SNTG2: variants seen among roughly 807,000 people sequenced by gnomAD.
SNTG2 encodes the protein syntrophin gamma 2.
In SNTG2, 74 loss-of-function variants were observed where a neutral mutation model predicts 70.9. That is an observed-to-expected ratio of 1.04 (90% CI 0.86 to 1.27). The LOEUF is 1.27. Among genes scored for constraint, SNTG2 ranks in the 50% most tolerant of loss-of-function variants. The pLI, the probability that SNTG2 is intolerant of heterozygous loss-of-function variation, is 0.00. For synonymous variants in SNTG2, 278 were observed against 273.8 expected (o/e 1.02, Z -0.15); for missense variants, 717 against 690.7 (o/e 1.04, Z -0.43).
At chr2:1,333,130 A>T (rs1455704030) in intron 16 of SNTG2, among the ~76,000 whole-genome samples, 1 of 152,254 alleles carries the variant, frequency 6.6e-6, no homozygotes, top group Non-Finnish European at 1.5e-5. Context: ...CAATGTACAC[A>T]AATGAGTAGC....
chr2:1,287,731 C>T (rs374041525), intron 14 of SNTG2, among the ~76,000 whole-genome samples: 2 of 152,354 alleles, frequency 1.3e-5, no homozygotes, highest in East Asian at 3.9e-4. Context: ...GCGCTGACAG[C>T]GTGACCTGTT....
At chr2:1,312,839 G>C (rs963963876) in intron 15 of SNTG2, among the ~76,000 whole-genome samples, 2 of 152,160 alleles carry the variant, frequency 1.3e-5, no homozygotes, top group Non-Finnish European at 2.9e-5. Context: ...TTGATGGAGA[G>C]GAACAAAAAG....
At chr2:1,098,663 C>A (rs148962904) in intron 4 of SNTG2, among the ~76,000 whole-genome samples, 37 of 152,232 alleles carry the variant, frequency 2.4e-4, no homozygotes, top group African/African-American at 8.2e-4. Flanking sequence ...GGTTATCCCC[C>A]CTCTAAAGAT....
In SNTG2 at chr2:1,124,570, A is replaced by G. The variant is rs935750122; in HGVS notation, c.326-13052A>G. Among the ~76,000 whole-genome samples the G allele has an allele frequency of 3.9e-5, 6 of 152,286 alleles. No individual in the cohort carries two copies. In the East Asian group the frequency reaches 1.2e-3, roughly 29 times the overall value. On this transcript the variant is annotated intron_variant, in intron 4 of 16. Coordinates refer to ENST00000308624, the MANE Select transcript of SNTG2 (RefSeq NM_018968.4). ...CTTAGCCTCCCAAAATGCTGGGATT[A>G]CAGGCGTGAGCCACCGCGCCCGGCC...
intron 14 of SNTG2, among the ~76,000 whole-genome samples, chr2:1,268,540 G>A (rs1485512802): frequency 6.6e-6 from 1 of 152,092 alleles, no homozygotes; most frequent in Non-Finnish European, 1.5e-5. Context: ...ATTTATCCCA[G>A]GCTGCTGTGA....
At chr2:973,633 C>T (rs1273701522) in intron 1 of SNTG2, among the ~76,000 whole-genome samples, 3 of 151,424 alleles carry the variant, frequency 2.0e-5, no homozygotes, top group Admixed American at 2.0e-4. Context: ...TCTTTTTCTC[C>T]TCTCTTTCTA....
chr2:1,151,364 G>C (rs970048076), intron 6 of SNTG2, among the ~76,000 whole-genome samples: 7 of 43,010 alleles, frequency 1.6e-4, no homozygotes, highest in Non-Finnish European at 1.6e-4. Context: ...GTTTGTTGTT[G>C]GTTTGTTGGT....
At chr2:1,222,182 C>T (rs116611928) in intron 9 of SNTG2, among the ~76,000 whole-genome samples, 2,639 of 130,070 alleles carry the variant, frequency 0.02, 46 homozygotes, top group South Asian at 0.054. Flanking sequence ...TCTTTTTCTC[C>T]CTCTGCAGCC....
chr2:1,214,878 C>T (rs1467880798), intron 9 of SNTG2, among the ~76,000 whole-genome samples: 3 of 152,126 alleles, frequency 2.0e-5, no homozygotes, highest in Admixed American at 6.5e-5. Flanking sequence ...GCTTGTCACA[C>T]GTGTTCTTTA....
intron 8 of SNTG2, among the ~76,000 whole-genome samples, chr2:1,200,215 A>G (rs1386143920): frequency 6.6e-6 from 1 of 152,000 alleles, no homozygotes; most frequent in East Asian, 1.9e-4. Flanking sequence ...ATAAATACAC[A>G]TATTGGCAGC....
intron 11 of SNTG2, among the ~76,000 whole-genome samples, chr2:1,242,184 G>A (rs1677096749): frequency 6.6e-6 from 1 of 152,116 alleles, no homozygotes; most frequent in Admixed American, 6.5e-5. Context: ...GGTGTGCTTT[G>A]TACAAATGTT....
Position 1,361,797 on chromosome 2 carries a change from C to T in SNTG2, c.1489-5546C>T, listed in dbSNP as rs1412450900. Among the ~76,000 whole-genome samples, 216 of 82,202 alleles carry T rather than the reference C, an allele frequency of 2.6e-3. 5 individuals carry two copies. Among genetic ancestry groups the T allele is most frequent in the Middle Eastern group, 6.0e-3 (1 of 166 alleles). The allele number at this position is 82,202 out of a possible 152,430, so 53.9% of individuals were successfully genotyped here. Reference sequence around the variant, plus strand: ...TTCAGTAGAACTTCCATGAAGGTCACCGATGCTGAGCATTTCAGTAGAACT... The same window carrying T: ...TTCAGTAGAACTTCCATGAAGGTCATCGATGCTGAGCATTTCAGTAGAACT... On this transcript the variant is annotated intron_variant, in intron 16 of 16. Coordinates refer to ENST00000308624, the MANE Select transcript of SNTG2 (RefSeq NM_018968.4).
chr2:1,077,285 C>T (rs1379058963), intron 1 of SNTG2, among the ~76,000 whole-genome samples: 2 of 152,196 alleles, frequency 1.3e-5, no homozygotes, highest in African/African-American at 2.4e-5. Context: ...TCACACACAC[C>T]TGCCAACACC....
chr2:1,163,923 T>C (rs1003280334), intron 6 of SNTG2, among the ~76,000 whole-genome samples: 1 of 152,202 alleles, frequency 6.6e-6, no homozygotes, highest in African/African-American at 2.4e-5. Context: ...TCTCAGGCCA[T>C]GGGAACTTTC....
chr2:1,365,414 G>A (rs1661424023), intron 16 of SNTG2, among the ~76,000 whole-genome samples: 1 of 152,210 alleles, frequency 6.6e-6, no homozygotes, highest in African/African-American at 2.4e-5. Flanking sequence ...GCATAGGAAG[G>A]AACTTAATTC....
At chr2:1,139,170 A>G (rs975277047) in intron 6 of SNTG2, among the ~76,000 whole-genome samples, 4 of 152,216 alleles carry the variant, frequency 2.6e-5, no homozygotes, top group East Asian at 3.9e-4. Context: ...CATGACTTCT[A>G]TCCTAGCCCA....
intron 14 of SNTG2, among the ~76,000 whole-genome samples, chr2:1,287,681 C>T (rs1679821091): frequency 6.6e-6 from 1 of 152,216 alleles, no homozygotes; most frequent in Admixed American, 6.5e-5. Flanking sequence ...GAGCACTCGT[C>T]ATTCTCATTG....
chr2:1,270,694 G>T (rs1242163492), intron 14 of SNTG2, among the ~76,000 whole-genome samples: 1 of 152,156 alleles, frequency 6.6e-6, no homozygotes, highest in African/African-American at 2.4e-5. Context: ...CAAACTCTCC[G>T]TAAATGTGTT....
rs551360772 is a variant in SNTG2 at position 1,029,023 on chromosome 2, T to C, written c.73-54495T>C. Reference sequence around the variant, plus strand: ...TGCACCTTCTGTCCAGGCTGGAGTGTGGCTTCAGGCAGGATCGGGAGGGGC... The same window carrying C: ...TGCACCTTCTGTCCAGGCTGGAGTGCGGCTTCAGGCAGGATCGGGAGGGGC... On this transcript the variant is annotated intron_variant, in intron 1 of 16. Coordinates refer to ENST00000308624, the MANE Select transcript of SNTG2 (RefSeq NM_018968.4). Among the ~76,000 whole-genome samples the C allele has an allele frequency of 2.0e-5, 3 of 152,276 alleles. No homozygotes were observed. The East Asian group carries it at 5.8e-4, about 29-fold the overall frequency.
Sources: allele counts gnomAD v4.1 joint callset (sites outside exome capture counted in the v4.1 genomes callset), GRCh38; gene constraint gnomAD v4.1.1; transcripts MANE v1.5; gene names NCBI Gene and HGNC (gene_info 2026-07-23, HGNC 2026-07-21).